The following CHIC2 variants were observed in gnomAD, a reference collection of about 807,000 sequenced individuals.
CHIC2 encodes cysteine rich hydrophobic domain 2, also known as cysteine-rich hydrophobic domain-containing protein 2.
In CHIC2, 14 loss-of-function variants were observed where a neutral mutation model predicts 25.9. The ratio of observed to expected loss-of-function variants is 0.54; its 90% CI spans 0.36 to 0.85. The LOEUF (loss-of-function observed/expected upper bound fraction) is 0.85. CHIC2 is among the 40% of genes least tolerant of loss of function. The probability of loss-of-function intolerance (pLI) is 0.01; values close to 1 mark genes in which losing one functional copy is unlikely to be tolerated. For synonymous variants in CHIC2, 70 were observed against 72.0 expected (o/e 0.97, Z 0.14); for missense variants, 146 against 202.0 (o/e 0.72, Z 1.68).
chr4:54,021,507 CCCTATAAT>C (rs1288178010), intron 3 of CHIC2, among the ~76,000 whole-genome samples: 1 of 152,106 alleles, frequency 6.6e-6, no homozygotes, highest in East Asian at 1.9e-4. Context: ...TGCTCCCCGA[CCCTATAAT>C]CTTTTTATCA....
At chr4:54,080,259 G>GT in the CHIC2 span, among the ~76,000 whole-genome samples, 24 of 150,962 alleles carry the variant, frequency 1.6e-4, no homozygotes, top group African/African-American at 5.9e-4. Flanking sequence ...GTGACAATGA[G>GT]GACATTATGC....
intron 3 of CHIC2, among the ~76,000 whole-genome samples, chr4:54,019,424 C>A (rs11939605): frequency 0.01 from 1,560 of 151,950 alleles, 23 homozygotes; most frequent in African/African-American, 0.035. Flanking sequence ...GATAGAAATA[C>A]GCTAAAAAAA....
chr4:54,034,611 G>T (rs1716329945), intron 3 of CHIC2, among the ~76,000 whole-genome samples: 1 of 150,912 alleles, frequency 6.6e-6, no homozygotes, highest in African/African-American at 2.4e-5. Context: ...TTGTTGATAG[G>T]GTATAGCTTT....
chr4:54,061,867 G>C (rs28698838), intron 1 of CHIC2, among the ~76,000 whole-genome samples: 1,530 of 152,234 alleles, frequency 0.01, 25 homozygotes, highest in African/African-American at 0.035. Context: ...ACATTGCTTA[G>C]AAATGGAAAA....
chr4:54,020,372 T>C (rs978689824), intron 3 of CHIC2, among the ~76,000 whole-genome samples: 1 of 152,166 alleles, frequency 6.6e-6, no homozygotes, highest in Non-Finnish European at 1.5e-5. Flanking sequence ...TCCCAAAACC[T>C]GTAAGAACTA....
chr4:54,055,532 G>C (rs1717147945), intron 1 of CHIC2, among the ~76,000 whole-genome samples: 1 of 152,038 alleles, frequency 6.6e-6, no homozygotes, highest in Admixed American at 6.6e-5. Flanking sequence ...TTCCATTTTG[G>C]ATATTCTGGA....
rs79016898 is a variant in CHIC2, at chr4:54,029,976, G to T, written c.331-15857C>A. Among the ~76,000 whole-genome samples the T allele has an allele frequency of 9.9e-5, 15 of 152,130 alleles. No homozygotes were observed. The East Asian group carries it at 2.9e-3, about 29-fold the overall frequency. On this transcript the variant is annotated intron_variant, in intron 3 of 5. Transcript: ENST00000263921. Reference sequence around the variant, plus strand: ...CAACACTACTATACCCCTAACCAGAGTAAGTCACAATTATTGGATAACTAA... The same window carrying T: ...CAACACTACTATACCCCTAACCAGATTAAGTCACAATTATTGGATAACTAA...
intron 3 of CHIC2, among the ~76,000 whole-genome samples, chr4:54,029,506 A>G (rs939385126): frequency 4.6e-5 from 7 of 152,240 alleles, no homozygotes; most frequent in African/African-American, 1.7e-4. Context: ...TCTTCAATCA[A>G]TAACAACAGC....
At chr4:54,013,628 A>C (rs1341511801) in intron 5 of CHIC2, among the ~76,000 whole-genome samples, 1 of 152,154 alleles carries the variant, frequency 6.6e-6, no homozygotes, top group Non-Finnish European at 1.5e-5. Flanking sequence ...TTTTCAGAAC[A>C]CAGTGAAGCC....
chr4:54,025,034 AC>A (rs1320462613), intron 3 of CHIC2, among the ~76,000 whole-genome samples: 2 of 149,746 alleles, frequency 1.3e-5, no homozygotes, highest in Non-Finnish European at 3.0e-5. Context: ...TCTCCATACC[AC>A]CCGCCCCCCC....
chr4:54,069,226 C>T (rs761384673), upstream of CHIC2, among the ~76,000 whole-genome samples: 7 of 152,094 alleles, frequency 4.6e-5, no homozygotes, highest in Non-Finnish European at 8.8e-5. Flanking sequence ...TGGGGTTTCA[C>T]CATGTTGCCC....
At chr4:54,067,298 G>C (rs202182027), upstream of CHIC2, among the ~76,000 whole-genome samples, 2 of 1,686 alleles carry the variant, frequency 1.2e-3, no homozygotes, top group South Asian at 0.17. Context: ...GTGTGTGTCT[G>C]TGTGTGTGTG....
At chr4:54,087,102 G>A in the CHIC2 span, 26 of 957,196 alleles carry the variant, frequency 2.7e-5, 1 homozygote, top group South Asian at 3.9e-5. Context: ...ATGTGGGGTC[G>A]CTCTGCAGAG....
intron 3 of CHIC2, among the ~76,000 whole-genome samples, chr4:54,020,358 C>T (rs967250984): frequency 2.0e-5 from 3 of 152,186 alleles, no homozygotes; most frequent in Non-Finnish European, 2.9e-5. Context: ...AACTCCACCG[C>T]CTATCCCAAA....
upstream of CHIC2, chr4:54,064,657 G>T: frequency 9.5e-7 from 1 of 1,052,716 alleles, no homozygotes; most frequent in South Asian, 4.1e-5. The surrounding 1 kb of genome is among the most constrained non-coding windows in gnomAD (Gnocchi z 4.2). Context: ...ACGGCATCGC[G>T]AGACTTCCCG....
chr4:54,070,200 G>A, the CHIC2 span, among the ~76,000 whole-genome samples: 1 of 152,116 alleles, frequency 6.6e-6, no homozygotes, highest in Non-Finnish European at 1.5e-5. Context: ...CAGCTCAAAT[G>A]AGGTAAAAAA....
chr4:54,034,585 T>G lies in CHIC2; in HGVS notation c.330+14370A>C, dbSNP rs150974675. On this transcript the variant is annotated intron_variant, in intron 3 of 5. Transcript: ENST00000263921. Reference sequence around the variant, plus strand: ...ATGCTACTTAAAAATTGTTTTTCATTTTAATTTTTTATTTTTTGTTGATAG... The same window carrying G: ...ATGCTACTTAAAAATTGTTTTTCATGTTAATTTTTTATTTTTTGTTGATAG... Among the ~76,000 whole-genome samples the G allele has an allele frequency of 3.6e-3, 541 of 152,080 alleles. 3 individuals carry two copies. The highest frequency in any genetic ancestry group is 0.012 in the African/African-American group (511 of 41,574).
intron 3 of CHIC2, among the ~76,000 whole-genome samples, chr4:54,027,840 G>A (rs973062728): frequency 6.6e-6 from 1 of 152,164 alleles, no homozygotes; most frequent in Non-Finnish European, 1.5e-5. Context: ...CAGAAGTCAT[G>A]TAAACTTATT....
At chr4:54,019,651 T>C (rs1174667176) in intron 3 of CHIC2, among the ~76,000 whole-genome samples, 1 of 151,812 alleles carries the variant, frequency 6.6e-6, no homozygotes, top group Non-Finnish European at 1.5e-5. Context: ...TTAAAGGGGG[T>C]TATCTACTAA....
Sources: gnomAD v4.1 joint callset for allele counts (sites outside exome capture counted in the v4.1 genomes callset) on GRCh38, gnomAD v4.1.1 for gene constraint, Gnocchi (gnomAD v3.1) non-coding constraint, MANE v1.5 for transcripts, NCBI Gene and HGNC (gene_info 2026-07-23, HGNC 2026-07-21) for gene names.